PTPRD: variants seen among roughly 807,000 people sequenced by gnomAD.
PTPRD encodes the protein receptor-type tyrosine-protein phosphatase delta.
In PTPRD, 34 loss-of-function variants were observed where a neutral mutation model predicts 214.5. The ratio of observed to expected loss-of-function variants is 0.16; its 90% CI spans 0.12 to 0.21. The LOEUF is 0.21. Ranked by LOEUF, PTPRD falls within the 10% of genes least tolerant of loss-of-function variation. The pLI, the probability that PTPRD is intolerant of heterozygous loss-of-function variation, is 1.00. For synonymous variants in PTPRD, 1,128 were observed against 845.7 expected, an observed-to-expected ratio of 1.33 and a Z score of -5.79; for missense variants, 2,545 against 2,398.7, an observed-to-expected ratio of 1.06 and a Z score of -1.27.
intron 34 of PTPRD, among the ~76,000 whole-genome samples, chr9:8,436,905 T>C (rs1194638538): frequency 6.6e-6 from 1 of 152,190 alleles, no homozygotes; most frequent in Non-Finnish European, 1.5e-5. Flanking sequence ...TCACCAAGCA[T>C]AATCTCCAAA....
At chr9:8,366,894 A>C (rs1435422271) in intron 39 of PTPRD, among the ~76,000 whole-genome samples, 3 of 152,250 alleles carry the variant, frequency 2.0e-5, no homozygotes, top group Non-Finnish European at 4.4e-5. Context: ...TGAGAGGACA[A>C]AGATTTAATG....
At chr9:9,807,935 T>C (rs552011143) in intron 5 of PTPRD, among the ~76,000 whole-genome samples, 10 of 152,320 alleles carry the variant, frequency 6.6e-5, no homozygotes, top group African/African-American at 2.4e-4. Flanking sequence ...TGTATTTTCA[T>C]ATTGAAAGTC....
intron 10 of PTPRD, among the ~76,000 whole-genome samples, chr9:9,084,963 C>CAGGG (rs1428712106): frequency 6.6e-6 from 1 of 152,110 alleles, no homozygotes; most frequent in Non-Finnish European, 1.5e-5. Flanking sequence ...TTAGCACAGA[C>CAGGG]AGGGAAAGAT....
At position 9,068,066 on chromosome 9, in the gene PTPRD, T is replaced by C. The variant is rs13440119; in HGVS notation, c.-142-49331A>G. On this transcript the variant is annotated intron_variant, in intron 10 of 45. Transcript: ENST00000381196. The stretch of plus-strand genomic sequence containing the variant: ...ATAATTTTGTCATTAAAAAATTATA[T>C]ACATAAATACATTTAATATTTAACC... 6.3e-3 allele frequency among the ~76,000 whole-genome samples: 955 copies of C among 152,308 alleles called. 13 individuals are homozygous for C. Among genetic ancestry groups the C allele is most frequent in the African/African-American group, 0.021 (872 of 41,560 alleles).
At chr9:10,254,836 C>T (rs2093113859) in intron 3 of PTPRD, among the ~76,000 whole-genome samples, 1 of 152,154 alleles carries the variant, frequency 6.6e-6, no homozygotes, top group Middle Eastern at 3.2e-3. Flanking sequence ...GGGTGCCTGT[C>T]TCCCAGGAGA....
At chr9:9,236,685 G>A (rs968475617) in intron 9 of PTPRD, among the ~76,000 whole-genome samples, 1 of 151,344 alleles carries the variant, frequency 6.6e-6, no homozygotes, top group African/African-American at 2.4e-5. Context: ...CCCCTTCCAT[G>A]AACAGCCTTT....
chr9:9,852,270 G>C (rs2060689469), intron 5 of PTPRD, among the ~76,000 whole-genome samples: 1 of 152,074 alleles, frequency 6.6e-6, no homozygotes, highest in African/African-American at 2.4e-5. Context: ...GATGATGAGA[G>C]CAGTTGATCT....
At chr9:9,775,062 G>A (rs561478037) in intron 5 of PTPRD, among the ~76,000 whole-genome samples, 63 of 152,214 alleles carry the variant, frequency 4.1e-4, no homozygotes, top group African/African-American at 1.5e-3. Context: ...TTATTTCTGA[G>A]AGCTAAACTT....
intron 14 of PTPRD, among the ~76,000 whole-genome samples, chr9:8,555,321 C>G (rs2083400519): frequency 6.6e-6 from 1 of 152,134 alleles, no homozygotes; most frequent in Non-Finnish European, 1.5e-5. Flanking sequence ...GTGGGAGGAT[C>G]CTGCGAGCAC....
chr9:9,866,027 C>T (rs927241436), intron 5 of PTPRD, among the ~76,000 whole-genome samples: 5 of 152,174 alleles, frequency 3.3e-5, no homozygotes, highest in Non-Finnish European at 5.9e-5. Context: ...ATGCCATTCT[C>T]GTACACTTGC....
chr9:9,276,722 G>A (rs966319904), intron 9 of PTPRD, among the ~76,000 whole-genome samples: 1 of 151,312 alleles, frequency 6.6e-6, no homozygotes, highest in East Asian at 2.0e-4. Context: ...TGGTGCTAAG[G>A]CCAAAAGAGC....
intron 11 of PTPRD, among the ~76,000 whole-genome samples, chr9:8,961,685 C>T (rs912286635): frequency 3.3e-5 from 5 of 152,092 alleles, no homozygotes; most frequent in African/African-American, 1.2e-4. Flanking sequence ...GCCTGCTAGG[C>T]TACTTAACCC....
intron 4 of PTPRD, among the ~76,000 whole-genome samples, chr9:9,993,796 G>C (rs140490767): frequency 0.015 from 2,350 of 152,108 alleles, 69 homozygotes; most frequent in African/African-American, 0.053. Flanking sequence ...TGTTATACTT[G>C]AATTAAGAAA....
At chr9:9,590,829 G>A (rs954492247) in intron 7 of PTPRD, among the ~76,000 whole-genome samples, 3 of 151,982 alleles carry the variant, frequency 2.0e-5, no homozygotes, top group Non-Finnish European at 2.9e-5. Context: ...GTCCCTTAGA[G>A]GTTAATGATA....
chr9:8,432,007 C>T (rs770742186), intron 35 of PTPRD, among the ~76,000 whole-genome samples: 8 of 152,134 alleles, frequency 5.3e-5, no homozygotes, highest in African/African-American at 1.4e-4. Context: ...AATTTCAAAA[C>T]GTGTTATTGG....
At chr9:9,079,447 G>T (rs774547947) in intron 10 of PTPRD, among the ~76,000 whole-genome samples, 10 of 152,042 alleles carry the variant, frequency 6.6e-5, no homozygotes, top group Non-Finnish European at 1.3e-4. Flanking sequence ...TGGCTATTGT[G>T]AATAGAGCTG....
chr9:8,664,316 T>C (rs1312275635), intron 12 of PTPRD, among the ~76,000 whole-genome samples: 1 of 152,228 alleles, frequency 6.6e-6, no homozygotes, highest in East Asian at 1.9e-4. Context: ...TTCTGAATCA[T>C]ATTAACCGTG....
chr9:8,714,801 G>A (rs1434260), intron 12 of PTPRD, among the ~76,000 whole-genome samples: 70,920 of 151,784 alleles, frequency 0.47, 16,700 homozygotes, highest in Middle Eastern at 0.51. Flanking sequence ...CCCTTACTCT[G>A]GTCTTTCTCC....
intron 12 of PTPRD, among the ~76,000 whole-genome samples, chr9:8,652,763 C>G (rs2096838077): frequency 6.6e-6 from 1 of 152,072 alleles, no homozygotes; most frequent in South Asian, 2.1e-4. Context: ...GTCCACAGAT[C>G]ATGATGATAA....
Sources: gnomAD v4.1 joint callset for allele counts (sites outside exome capture counted in the v4.1 genomes callset) on GRCh38, gnomAD v4.1.1 for gene constraint, MANE v1.5 for transcripts, NCBI Gene and HGNC (gene_info 2026-07-23, HGNC 2026-07-21) for gene names.